MACROD2: variants seen among roughly 807,000 people sequenced by gnomAD.
The protein encoded by MACROD2 is ADP-ribose glycohydrolase MACROD2.
A neutral mutation model predicts 70.4 loss-of-function variants in MACROD2; 36 were observed. The ratio of observed to expected loss-of-function variants is 0.51; its 90% CI spans 0.39 to 0.68. MACROD2 has a LOEUF of 0.68. Ranked by LOEUF, MACROD2 falls within the 30% of genes least tolerant of loss-of-function variation. MACROD2 has a pLI of 0.00. For missense variants in MACROD2, 496 were observed against 538.4 expected (o/e 0.92, Z 0.78); for synonymous variants, 172 against 178.8 (o/e 0.96, Z 0.30).
intron 5 of MACROD2, among the ~76,000 whole-genome samples, chr20:14,906,369 C>T (rs6079603): frequency 0.026 from 4,028 of 152,236 alleles, 84 homozygotes; most frequent in Non-Finnish European, 0.042. Context: ...TGGCGCATGC[C>T]TGTAATCCCA....
At chr20:15,136,776 A>G (rs960838978) in intron 5 of MACROD2, among the ~76,000 whole-genome samples, 21 of 152,258 alleles carry the variant, frequency 1.4e-4, no homozygotes, top group African/African-American at 4.8e-4. Context: ...TGAACAGGCA[A>G]CCTACAGAAT....
At position 14,290,963 on chromosome 20, in the gene MACROD2, T is replaced by C. The variant is rs183277471; in HGVS notation, c.272-202516T>C. 5.5e-4 allele frequency among the ~76,000 whole-genome samples: 84 copies of C among 152,314 alleles called. 1 individual carries two copies. The highest frequency in any genetic ancestry group is 1.8e-3 in the African/African-American group (74 of 41,568). On this transcript the variant is annotated intron_variant, in intron 3 of 17. Transcript: ENST00000684519. ...TATGACTAAAAGTCTTTCCAAAAAA[T>C]CAAACAAATGGTCATGTTCATATTA...
chr20:15,802,568 TA>T (rs1427514014), intron 8 of MACROD2, among the ~76,000 whole-genome samples: 2 of 152,010 alleles, frequency 1.3e-5, no homozygotes, highest in Non-Finnish European at 2.9e-5. Flanking sequence ...AGTTTTCAAA[TA>T]AACACCCTAA....
At chr20:15,530,972 CTTATT>C (rs1388726271) in intron 8 of MACROD2, among the ~76,000 whole-genome samples, 1 of 142,188 alleles carries the variant, frequency 7.0e-6, no homozygotes, top group East Asian at 2.0e-4. Flanking sequence ...TCATAGGTGA[CTTATT>C]TAAGTTGAAA....
chr20:15,288,316 G>C (rs1402430737), intron 6 of MACROD2, among the ~76,000 whole-genome samples: 1 of 152,188 alleles, frequency 6.6e-6, no homozygotes, highest in Non-Finnish European at 1.5e-5. Flanking sequence ...CTGTCTCCAT[G>C]GTGAGCAGAA....
chr20:15,339,533 T>G (rs1207054614), intron 6 of MACROD2, among the ~76,000 whole-genome samples: 2 of 151,746 alleles, frequency 1.3e-5, no homozygotes, highest in African/African-American at 4.9e-5. Context: ...CCAGCATGAT[T>G]GGGGATCCTG....
At chr20:15,437,835 T>C (rs1406554521) in intron 7 of MACROD2, among the ~76,000 whole-genome samples, 2 of 150,198 alleles carry the variant, frequency 1.3e-5, no homozygotes, top group Admixed American at 6.6e-5. Context: ...ATAATCTCCT[T>C]TTTTTTTATG....
chr20:14,848,628 T>G (rs1482944094), intron 5 of MACROD2, among the ~76,000 whole-genome samples: 1 of 152,166 alleles, frequency 6.6e-6, no homozygotes, highest in Non-Finnish European at 1.5e-5. Flanking sequence ...GCACCTGTAG[T>G]TATTGACCAC....
chr20:15,603,443 G>A (rs6043387), intron 8 of MACROD2, among the ~76,000 whole-genome samples: 3,610 of 150,934 alleles, frequency 0.024, 147 homozygotes, highest in African/African-American at 0.083. Flanking sequence ...GGGAGGTGGA[G>A]GCTGCAGTGA....
chr20:14,784,668 TGGGG>T (rs3045608), intron 5 of MACROD2, among the ~76,000 whole-genome samples: 11,885 of 94,902 alleles, frequency 0.13, 1,145 homozygotes, highest in African/African-American at 0.21. Context: ...GTGTTTTAAG[TGGGG>T]GGGGGGGGGC....
At chr20:14,485,574 A>T (rs568062156) in intron 3 of MACROD2, among the ~76,000 whole-genome samples, 2 of 151,644 alleles carry the variant, frequency 1.3e-5, no homozygotes, top group African/African-American at 4.8e-5. Flanking sequence ...GGTGGCAGGC[A>T]CCTGTAGTCC....
intron 5 of MACROD2, among the ~76,000 whole-genome samples, chr20:15,148,791 G>C (rs1388146681): frequency 6.6e-6 from 1 of 152,006 alleles, no homozygotes; most frequent in Non-Finnish European, 1.5e-5. Flanking sequence ...TTTTTAAGTT[G>C]GTGGCTGAGC....
intron 3 of MACROD2, among the ~76,000 whole-genome samples, chr20:14,370,854 T>G (rs2083315737): frequency 6.6e-6 from 1 of 152,162 alleles, no homozygotes; most frequent in Non-Finnish European, 1.5e-5. Context: ...AGTAGAGAAA[T>G]GCAATCTAAG....
At chr20:15,748,524 C>T (rs928131645) in intron 8 of MACROD2, among the ~76,000 whole-genome samples, 6 of 151,966 alleles carry the variant, frequency 3.9e-5, no homozygotes, top group Admixed American at 6.6e-5. Context: ...CAAAATGTAG[C>T]GTTCTGAAGC....
At chr20:15,900,687 C>A (rs995094102) in intron 10 of MACROD2, among the ~76,000 whole-genome samples, 1 of 152,216 alleles carries the variant, frequency 6.6e-6, no homozygotes, top group Non-Finnish European at 1.5e-5. Context: ...TTGCCATTGG[C>A]ATTTGTTAGC....
rs370607963 is a variant in MACROD2 at position 14,786,270 on chromosome 20, A to G, written c.418+101311A>G. On this transcript the variant is annotated intron_variant, in intron 5 of 17. Transcript: ENST00000684519. The stretch of plus-strand genomic sequence containing the variant: ...GGAAGAGGCCTGACATTTTCTTGAG[A>G]ACTGAAACCTTTCTTTTAAGATGGC... Among the ~76,000 whole-genome samples the G allele has an allele frequency of 1.2e-4, 18 of 150,048 alleles. 1 individual carries two copies. The South Asian group carries it at 3.8e-3, about 32-fold the overall frequency.
At chr20:15,678,575 G>T (rs1312322408) in intron 8 of MACROD2, among the ~76,000 whole-genome samples, 1 of 152,066 alleles carries the variant, frequency 6.6e-6, no homozygotes, top group East Asian at 1.9e-4. Flanking sequence ...TAGCCAGGAT[G>T]GTCTCAATCT....
At chr20:14,288,773 C>T (rs2082363574) in intron 3 of MACROD2, among the ~76,000 whole-genome samples, 1 of 152,222 alleles carries the variant, frequency 6.6e-6, no homozygotes, top group Non-Finnish European at 1.5e-5. Flanking sequence ...ATTCTGTTCT[C>T]TGACTCAGTG....
intron 8 of MACROD2, among the ~76,000 whole-genome samples, chr20:15,665,883 C>T (rs1041228498): frequency 3.3e-5 from 5 of 152,070 alleles, no homozygotes; most frequent in African/African-American, 1.2e-4. Context: ...AAAATCATGC[C>T]GCCTGGTGAA....
Sources: allele counts gnomAD v4.1 joint callset (sites outside exome capture counted in the v4.1 genomes callset), GRCh38; gene constraint gnomAD v4.1.1; transcripts MANE v1.5; gene names NCBI Gene and HGNC (gene_info 2026-07-23, HGNC 2026-07-21).